The following PDE1A variants were observed in gnomAD, a reference collection of about 807,000 sequenced individuals.
The protein encoded by PDE1A is dual specificity calcium/calmodulin-dependent 3',5'-cyclic nucleotide phosphodiesterase 1A.
In PDE1A, 35 loss-of-function variants were observed where a neutral mutation model predicts 61.7. The observed-to-expected ratio is 0.57, with a 90% CI of 0.43 to 0.75. The LOEUF (loss-of-function observed/expected upper bound fraction) is 0.75. PDE1A is among the 30% of genes least tolerant of loss of function. The pLI is 0.00. For missense variants in PDE1A, 597 were observed against 630.6 expected (o/e 0.95, Z 0.57); for synonymous variants, 232 against 213.2 (o/e 1.09, Z -0.77).
At chr2:182,607,827 G>A in the PDE1A span, among the ~76,000 whole-genome samples, 2 of 152,192 alleles carry the variant, frequency 1.3e-5, no homozygotes, top group Non-Finnish European at 2.9e-5. Context: ...CCTGTGGAAG[G>A]GGGAGGAACT....
At chr2:182,277,429 T>C (rs1693503071) in intron 1 of PDE1A, among the ~76,000 whole-genome samples, 1 of 152,062 alleles carries the variant, frequency 6.6e-6, no homozygotes, top group Admixed American at 6.6e-5. Context: ...CATCATCCAT[T>C]TGAATTTTTG....
chr2:182,376,676 C>A (rs988660107), intron 1 of PDE1A, among the ~76,000 whole-genome samples: 2 of 152,176 alleles, frequency 1.3e-5, no homozygotes, highest in African/African-American at 4.8e-5. Flanking sequence ...CAATGCCCAA[C>A]TCTAATGGTA....
chr2:182,582,749 A>T, the PDE1A span, among the ~76,000 whole-genome samples: 1 of 152,338 alleles, frequency 6.6e-6, no homozygotes, highest in South Asian at 2.1e-4. Context: ...ACCCAGTTAT[A>T]AGAAACTTAC....
chr2:182,169,362 C>T (rs941975949), intron 13 of PDE1A, among the ~76,000 whole-genome samples: 5 of 151,894 alleles, frequency 3.3e-5, no homozygotes, highest in South Asian at 2.1e-4. Context: ...TTTATTTGCA[C>T]ACAAATGTGG....
At chr2:182,687,793 C>T in the PDE1A span, among the ~76,000 whole-genome samples, 22 of 152,112 alleles carry the variant, frequency 1.4e-4, no homozygotes, top group Non-Finnish European at 2.6e-4. Context: ...AAAGATTAGA[C>T]GAATGGCTAA....
At chr2:182,407,351 T>G (rs576570968) in intron 1 of PDE1A, among the ~76,000 whole-genome samples, 1 of 152,092 alleles carries the variant, frequency 6.6e-6, no homozygotes, top group Admixed American at 6.5e-5. Flanking sequence ...GTACAGTTTT[T>G]GCATTCTTTC....
intron 2 of PDE1A, among the ~76,000 whole-genome samples, chr2:182,461,818 GC>G (rs997379203): frequency 9.2e-5 from 14 of 152,204 alleles, no homozygotes; most frequent in African/African-American, 3.1e-4. Flanking sequence ...CTGTCAGTAA[GC>G]CTCATCCTCA....
chr2:182,515,908 G>A (rs1343991226), intron 2 of PDE1A, among the ~76,000 whole-genome samples: 1 of 151,914 alleles, frequency 6.6e-6, no homozygotes, highest in African/African-American at 2.4e-5. Flanking sequence ...GTGCCATAGA[G>A]TGAGGCAGGG....
the PDE1A span, among the ~76,000 whole-genome samples, chr2:182,617,284 T>C: frequency 5.3e-5 from 8 of 152,088 alleles, no homozygotes; most frequent in Non-Finnish European, 1.0e-4. Flanking sequence ...ACACCAAGGA[T>C]TGAGTAAGCT....
chr2:182,683,674 A>C, the PDE1A span, among the ~76,000 whole-genome samples: 5 of 152,208 alleles, frequency 3.3e-5, no homozygotes, highest in Non-Finnish European at 7.3e-5. Context: ...AAACAAAACA[A>C]AGTCAATGAA....
In PDE1A at chr2:182,291,937, T is replaced by G. The variant is rs114276581; in HGVS notation, c.54-27523A>C. Among the ~76,000 whole-genome samples, 392 of 152,202 alleles carry G rather than the reference T, an allele frequency of 2.6e-3. 2 individuals are homozygous for G. Among genetic ancestry groups the G allele is most frequent in the African/African-American group, 8.7e-3 (363 of 41,554 alleles). On this transcript the variant is annotated intron_variant, in intron 1 of 13. Coordinates refer to ENST00000351439, the Ensembl canonical transcript of PDE1A. ...TGTGTTTCCCCTCCCCTAAATATCGTTTTGCATCATTGGGAGGTGAAACAG... is the reference window on the plus strand; with the variant it reads ...TGTGTTTCCCCTCCCCTAAATATCGGTTTGCATCATTGGGAGGTGAAACAG...
intron 1 of PDE1A, among the ~76,000 whole-genome samples, chr2:182,288,873 A>G (rs1450503027): frequency 6.6e-6 from 1 of 152,110 alleles, no homozygotes; most frequent in Non-Finnish European, 1.5e-5. Context: ...ATGTTTCAGA[A>G]CTTCAGATTT....
At chr2:182,167,901 C>A in exon 14 of PDE1A, 2 of 1,071,252 alleles carry the variant, frequency 1.9e-6, no homozygotes, top group Non-Finnish European at 2.3e-6. Context: ...ACAGGTGGAC[C>A]AAGCTTTATT....
intron 7 of PDE1A, among the ~76,000 whole-genome samples, chr2:182,214,571 T>C (rs1687988153): frequency 6.6e-6 from 1 of 151,332 alleles, no homozygotes; most frequent in African/African-American, 2.4e-5. Flanking sequence ...TGGAGGAAGA[T>C]CTACCAAGCC....
At chr2:182,273,637 C>A (rs1334932585) in intron 1 of PDE1A, among the ~76,000 whole-genome samples, 1 of 151,962 alleles carries the variant, frequency 6.6e-6, no homozygotes, top group Non-Finnish European at 1.5e-5. Flanking sequence ...CTGAATTTAT[C>A]TTTTCTTTTT....
intron 7 of PDE1A, among the ~76,000 whole-genome samples, chr2:182,213,116 CCCGAGCA>C (rs1160381851): frequency 6.7e-6 from 1 of 149,910 alleles, no homozygotes; most frequent in African/African-American, 2.5e-5. Context: ...ACCCCTGACC[CCCGAGCA>C]GCCTAACTGG....
At chr2:182,498,588 G>GT (rs1688869253) in intron 2 of PDE1A, among the ~76,000 whole-genome samples, 1 of 151,920 alleles carries the variant, frequency 6.6e-6, no homozygotes, top group African/African-American at 2.4e-5. Flanking sequence ...TGAAAGGCAT[G>GT]TATTTCCAGA....
At position 182,268,780 on chromosome 2, in the gene PDE1A, G is replaced by A. The variant is rs184208759; in HGVS notation, c.54-4366C>T. On this transcript the variant is annotated intron_variant, in intron 1 of 13. Transcript: ENST00000351439. ...GCGTATCTGAGATGCTACCTATCTC[G>A]TAAGTCCTTTGAAGATGCCTGTTCA... 2.4e-3 allele frequency among the ~76,000 whole-genome samples: 369 copies of A among 152,118 alleles called. 1 individual carries two copies. The highest frequency in any genetic ancestry group is 8.6e-3 in the African/African-American group (356 of 41,520).
intron 1 of PDE1A, among the ~76,000 whole-genome samples, chr2:182,288,046 C>T (rs1694281814): frequency 7.0e-6 from 1 of 142,320 alleles, no homozygotes; most frequent in African/African-American, 2.5e-5. Flanking sequence ...ACAAGGAAAG[C>T]CAAATTATTG....
Sources: gnomAD v4.1 joint callset for allele counts (sites outside exome capture counted in the v4.1 genomes callset) on GRCh38, gnomAD v4.1.1 for gene constraint, MANE v1.5 for transcripts, NCBI Gene and HGNC (gene_info 2026-07-23, HGNC 2026-07-21) for gene names.